The following SERINC5 variants were observed in gnomAD, a reference collection of about 807,000 sequenced individuals.
SERINC5 encodes the protein serine incorporator 5.
In SERINC5, 41 loss-of-function variants were observed where a neutral mutation model predicts 63.1. The ratio of observed to expected loss-of-function variants is 0.65; its 90% CI spans 0.51 to 0.84. SERINC5 has a LOEUF of 0.84. SERINC5 is among the 40% of genes least tolerant of loss of function. SERINC5 has a pLI of 0.00. For synonymous variants in SERINC5, 222 were observed against 215.2 expected (o/e 1.03, Z -0.28); for missense variants, 523 against 573.0 (o/e 0.91, Z 0.89).
At chr5:80,163,219 A>C (rs1303069645) in intron 7 of SERINC5, among the ~76,000 whole-genome samples, 1 of 152,092 alleles carries the variant, frequency 6.6e-6, no homozygotes, top group African/African-American at 2.4e-5. Flanking sequence ...CATTACTCAA[A>C]TCTAACAGTG....
intron 2 of SERINC5, among the ~76,000 whole-genome samples, chr5:80,196,476 C>A (rs1436343507): frequency 1.1e-4 from 16 of 152,100 alleles, no homozygotes; most frequent in Admixed American, 1.0e-3. Context: ...AATAATATGG[C>A]GGTTCCTCAA....
chr5:80,145,751 T>C (rs1384685252), intron 11 of SERINC5, among the ~76,000 whole-genome samples: 1 of 152,226 alleles, frequency 6.6e-6, no homozygotes, highest in Admixed American at 6.5e-5. Context: ...AGAACTCGCT[T>C]GTAATCCCAG....
chr5:80,234,665 C>T (rs971323597), intron 1 of SERINC5, among the ~76,000 whole-genome samples: 1 of 152,222 alleles, frequency 6.6e-6, no homozygotes, highest in African/African-American at 2.4e-5. Flanking sequence ...CAACGTTATC[C>T]CCTACCCTCC....
At chr5:80,137,150 A>AC (rs1230016407), downstream of SERINC5, among the ~76,000 whole-genome samples, 4 of 126,274 alleles carry the variant, frequency 3.2e-5, no homozygotes, top group African/African-American at 9.6e-5. Flanking sequence ...AAAAAAAAAA[A>AC]AAAAAAAAAA....
At chr5:80,125,847 T>C (rs1286742338) in intron 11 of SERINC5, among the ~76,000 whole-genome samples, 1 of 151,814 alleles carries the variant, frequency 6.6e-6, no homozygotes, top group African/African-American at 2.4e-5. Context: ...GGGAGGAAAA[T>C]AGATGTAAAT....
chr5:80,126,378 T>C (rs1744750937), intron 11 of SERINC5, among the ~76,000 whole-genome samples: 1 of 152,230 alleles, frequency 6.6e-6, no homozygotes, highest in South Asian at 2.1e-4. Context: ...TAAGCTTCCC[T>C]GGTGGTATAA....
intron 1 of SERINC5, among the ~76,000 whole-genome samples, chr5:80,212,812 T>C (rs1750497197): frequency 6.6e-6 from 1 of 152,216 alleles, no homozygotes; most frequent in South Asian, 2.1e-4. Context: ...AGTGTTTTAC[T>C]GAACAAACAG....
Position 80,141,746 on chromosome 5 carries a change from T to A in SERINC5, c.*1917A>T, listed in dbSNP as rs1399005920. ...CTCAGGTTAGAACACGGCTTTTCAT[T>A]TTGCGACTCCAGATGAATCTTTTAA... On this transcript the variant is annotated 3_prime_UTR_variant, in exon 12 of 12. Coordinates refer to ENST00000507668, the MANE Select transcript of SERINC5 (RefSeq NM_001174072.3). 3.0e-6 allele frequency: 3 copies of A among 985,308 alleles called. No individual in the cohort carries two copies. The highest frequency in any genetic ancestry group is 1.7e-5 in the African/African-American group (1 of 57,224). The allele number at this position is 985,308 out of a possible 1,614,324, so 61.0% of individuals were successfully genotyped here.
At chr5:80,232,323 G>C (rs1196339678) in intron 1 of SERINC5, among the ~76,000 whole-genome samples, 1 of 150,992 alleles carries the variant, frequency 6.6e-6, no homozygotes, top group African/African-American at 2.4e-5. Context: ...AGAATGGCAA[G>C]AACCCGGGAT....
intron 2 of SERINC5, among the ~76,000 whole-genome samples, chr5:80,186,754 T>C (rs1748834604): frequency 3.9e-5 from 6 of 152,174 alleles, no homozygotes. Flanking sequence ...GGGGCCCAGA[T>C]GCTACAAACA....
chr5:80,195,724 A>C (rs1470663542), intron 2 of SERINC5, among the ~76,000 whole-genome samples: 1 of 152,242 alleles, frequency 6.6e-6, no homozygotes, highest in African/African-American at 2.4e-5. Context: ...TGTCAACTCC[A>C]AGAACCACAG....
chr5:80,202,292 C>G (rs1369294173), intron 2 of SERINC5, among the ~76,000 whole-genome samples: 2 of 151,996 alleles, frequency 1.3e-5, no homozygotes, highest in African/African-American at 2.4e-5. Flanking sequence ...GGGAAAAGGA[C>G]AGAAGGGTAC....
intron 5 of SERINC5, among the ~76,000 whole-genome samples, chr5:80,172,479 A>G (rs764538018): frequency 1.1e-4 from 17 of 152,364 alleles, no homozygotes; most frequent in Non-Finnish European, 2.4e-4. Flanking sequence ...AGAAAAAGCA[A>G]CTTGCTTTAT....
chr5:80,187,697 G>T (rs1006925208), intron 2 of SERINC5, among the ~76,000 whole-genome samples: 5 of 152,090 alleles, frequency 3.3e-5, no homozygotes, highest in African/African-American at 1.2e-4. Flanking sequence ...AATCTACATT[G>T]TATCATTATT....
At chr5:80,169,204 T>C (rs1487936694) in intron 6 of SERINC5, 131 bp downstream of exon 6, 1 of 709,876 alleles carries the variant, frequency 1.4e-6, no homozygotes, top group Non-Finnish European at 2.4e-6. Context: ...TGCCTACTGC[T>C]GACACATCCA....
intron 2 of SERINC5, among the ~76,000 whole-genome samples, chr5:80,185,619 A>T (rs1748746168): frequency 6.6e-6 from 1 of 152,160 alleles, no homozygotes; most frequent in Non-Finnish European, 1.5e-5. Context: ...AAGGGAGATA[A>T]GGGTGGGGCC....
intron 7 of SERINC5, among the ~76,000 whole-genome samples, chr5:80,161,663 C>G (rs1236658226): frequency 1.3e-5 from 2 of 152,204 alleles, no homozygotes; most frequent in Admixed American, 6.5e-5. Flanking sequence ...TGTCTCTTCA[C>G]TCTGTTGATT....
intron 7 of SERINC5, among the ~76,000 whole-genome samples, chr5:80,160,976 A>G (rs934765187): frequency 6.3e-5 from 9 of 142,338 alleles, no homozygotes; most frequent in Non-Finnish European, 1.4e-4. Context: ...ATATATATGT[A>G]TATATGTGTG....
At chr5:80,131,522 C>T (rs1041901825) in intron 11 of SERINC5, among the ~76,000 whole-genome samples, 3 of 148,980 alleles carry the variant, frequency 2.0e-5, no homozygotes, top group Non-Finnish European at 4.5e-5. Flanking sequence ...AGAGAGCCTG[C>T]GGGGGAGAGG....
Sources: allele counts gnomAD v4.1 joint callset (sites outside exome capture counted in the v4.1 genomes callset), GRCh38; gene constraint gnomAD v4.1.1; transcripts MANE v1.5; gene names NCBI Gene and HGNC (gene_info 2026-07-23, HGNC 2026-07-21).